The following NAV3 variants were observed in gnomAD, a reference collection of about 807,000 sequenced individuals.
NAV3 encodes the protein neuron navigator 3.
Under a neutral mutation model 244.7 loss-of-function variants are expected in NAV3, and 87 were observed. That is an observed-to-expected ratio of 0.36 (90% CI 0.30 to 0.42). The LOEUF is 0.42. Among genes scored for constraint, NAV3 ranks in the 20% least tolerant of loss-of-function variants. NAV3 has a pLI of 1.00. For missense variants in NAV3, 2,663 were observed against 2,893.3 expected (o/e 0.92, Z 1.83); for synonymous variants, 1,126 against 1,042.2 (o/e 1.08, Z -1.55).
At chr12:77,597,614 A>G (rs971533612) in intron 2 of NAV3, among the ~76,000 whole-genome samples, 1 of 152,130 alleles carries the variant, frequency 6.6e-6, no homozygotes, top group Non-Finnish European at 1.5e-5. Context: ...TTGACCAAAT[A>G]TTGGGTGTTG....
intron 1 of NAV3, among the ~76,000 whole-genome samples, chr12:77,913,191 G>A (rs1383283289): frequency 6.6e-6 from 1 of 152,030 alleles, no homozygotes; most frequent in African/African-American, 2.4e-5. Flanking sequence ...CATGTACACA[G>A]CAATTCTTTT....
intron 2 of NAV3, among the ~76,000 whole-genome samples, chr12:77,600,514 G>A (rs1340635598): frequency 6.6e-6 from 1 of 151,912 alleles, no homozygotes; most frequent in Non-Finnish European, 1.5e-5. Context: ...TTCTCACCAT[G>A]GGGAAAAGCC....
Position 77,979,994 on chromosome 12 carries a change from A to G in NAV3, c.671+11292A>G, listed in dbSNP as rs144066325. ...GGTTTATATGGCAAGGAAGAAATGTAACTATGTGTGGGAAAACAGGAATGA... is the reference window on the plus strand; with the variant it reads ...GGTTTATATGGCAAGGAAGAAATGTGACTATGTGTGGGAAAACAGGAATGA... On this transcript the variant is annotated intron_variant, in intron 5 of 39. Coordinates refer to ENST00000397909, the MANE Select transcript of NAV3 (RefSeq NM_001024383.2). Among the ~76,000 whole-genome samples, 20 of 152,268 alleles carry G rather than the reference A, an allele frequency of 1.3e-4. No individual in the cohort carries two copies. The East Asian group carries it at 3.3e-3, about 25-fold the overall frequency.
chr12:77,794,578 G>A (rs1263478880), intron 2 of NAV3, among the ~76,000 whole-genome samples: 2 of 152,138 alleles, frequency 1.3e-5, no homozygotes, highest in African/African-American at 2.4e-5. Flanking sequence ...TCCTTGTGTT[G>A]TGCTTTGGTT....
chr12:77,994,162 TGTTAA>T (rs746055920), intron 5 of NAV3, among the ~76,000 whole-genome samples: 3 of 152,246 alleles, frequency 2.0e-5, no homozygotes, highest in African/African-American at 4.8e-5. Context: ...CATTAGTATT[TGTTAA>T]GTTGTTTATG....
intron 23 of NAV3, among the ~76,000 whole-genome samples, chr12:78,161,693 T>C (rs1957552330): frequency 1.3e-5 from 2 of 152,156 alleles, no homozygotes; most frequent in African/African-American, 4.8e-5. Flanking sequence ...ATTGTCCTTA[T>C]CACTTTTTTA....
chr12:78,172,604 T>C (rs913423441), intron 24 of NAV3, among the ~76,000 whole-genome samples: 1 of 151,554 alleles, frequency 6.6e-6, no homozygotes, highest in African/African-American at 2.4e-5. Context: ...TAGGGAAGAT[T>C]ATTCCAAGGT....
At chr12:77,762,993 A>G (rs1251945129) in intron 2 of NAV3, among the ~76,000 whole-genome samples, 1 of 152,206 alleles carries the variant, frequency 6.6e-6, no homozygotes, top group Non-Finnish European at 1.5e-5. Context: ...ATTTGTTTCT[A>G]GTCATGTTGC....
chr12:78,210,504 A>C lies in NAV3; in HGVS notation c.7145A>C (p.Glu2382Ala), dbSNP rs1960795485. 3 of 1,613,776 alleles carry C rather than the reference A, an allele frequency of 1.9e-6. No homozygotes were observed. ...HHEDILDSSL[E>A]STL ...GAAGACATTTTGGATTCATCTCTTG[A>C]ATCTACCCTCTAGAGGGTGAAAAAA... Residue 2382 changes from glutamate to alanine, a missense_variant, in exon 40 of 40, where the codon GAA becomes GCA. By Grantham distance (107) the Glu-to-Ala change is moderately radical. Coordinates refer to ENST00000397909, the MANE Select transcript of NAV3 (RefSeq NM_001024383.2).
chr12:77,620,504 C>T (rs1487994572), intron 2 of NAV3, among the ~76,000 whole-genome samples: 1 of 151,930 alleles, frequency 6.6e-6, no homozygotes, highest in Non-Finnish European at 1.5e-5. Flanking sequence ...ACTCTGTTGC[C>T]TAGGCTGGAG....
intron 2 of NAV3, among the ~76,000 whole-genome samples, chr12:77,677,632 G>A (rs889456987): frequency 7.9e-5 from 12 of 152,202 alleles, no homozygotes; most frequent in Non-Finnish European, 1.6e-4. Flanking sequence ...ATGTACCAGT[G>A]CCTGAAAGGG....
At chr12:77,976,666 C>CTTTTT (rs1295751885) in intron 5 of NAV3, among the ~76,000 whole-genome samples, 31 of 58,046 alleles carry the variant, frequency 5.3e-4, no homozygotes, top group African/African-American at 1.7e-3. Context: ...TTCTTTCTTT[C>CTTTTT]TTTTTTTCTT....
intron 1 of NAV3, among the ~76,000 whole-genome samples, chr12:77,886,910 A>C (rs894510278): frequency 2.0e-5 from 3 of 152,144 alleles, no homozygotes; most frequent in Non-Finnish European, 4.4e-5. Context: ...GTTTTCATTT[A>C]ATGTAGTGTG....
intron 3 of NAV3, among the ~76,000 whole-genome samples, chr12:77,956,679 C>T (rs1891389977): frequency 1.3e-5 from 2 of 152,038 alleles, no homozygotes; most frequent in African/African-American, 4.8e-5. Flanking sequence ...GGTTGGTATG[C>T]CCTGTTCCTC....
chr12:77,612,185 A>G (rs754736457), intron 2 of NAV3, among the ~76,000 whole-genome samples: 4 of 152,080 alleles, frequency 2.6e-5, no homozygotes, highest in Non-Finnish European at 5.9e-5. Flanking sequence ...ATATTATAAT[A>G]TTATTTTAAA....
chr12:77,738,803 G>A (rs990268800), intron 2 of NAV3, among the ~76,000 whole-genome samples: 1 of 152,150 alleles, frequency 6.6e-6, no homozygotes, highest in African/African-American at 2.4e-5. Context: ...GAGGTCAGGA[G>A]ATCGAGACCA....
chr12:78,092,478 C>T (rs300490), intron 12 of NAV3, among the ~76,000 whole-genome samples: 8,717 of 138,188 alleles, frequency 0.063, 297 homozygotes, highest in Non-Finnish European at 0.08. Flanking sequence ...CCTTTGAAAG[C>T]GTTAGTTATT....
chr12:77,653,014 T>C (rs1454824209), intron 2 of NAV3, among the ~76,000 whole-genome samples: 2 of 151,730 alleles, frequency 1.3e-5, no homozygotes, highest in Non-Finnish European at 2.9e-5. Flanking sequence ...TGAAAAATAT[T>C]ACCTAGTCAA....
intron 12 of NAV3, among the ~76,000 whole-genome samples, chr12:78,092,161 T>A (rs1483964895): frequency 2.6e-5 from 4 of 152,162 alleles, no homozygotes; most frequent in Non-Finnish European, 5.9e-5. Context: ...ACATTCAAAT[T>A]CAGGGTTACT....
Sources: gnomAD v4.1 joint callset for allele counts (sites outside exome capture counted in the v4.1 genomes callset) on GRCh38, gnomAD v4.1.1 for gene constraint, MANE v1.5 for transcripts, NCBI Gene and HGNC (gene_info 2026-07-23, HGNC 2026-07-21) for gene names.